UGT2B4: variants seen among roughly 807,000 people sequenced by gnomAD.
UGT2B4 encodes the protein UDP-glucuronosyltransferase 2B4.
A neutral mutation model predicts 49.8 loss-of-function variants in UGT2B4; 49 were observed. That is an observed-to-expected ratio of 0.98 (90% CI 0.78 to 1.25). The LOEUF (loss-of-function observed/expected upper bound fraction) is 1.25. Among genes scored for constraint, UGT2B4 ranks in the 50% most tolerant of loss-of-function variants. The pLI, the probability that UGT2B4 is intolerant of heterozygous loss-of-function variation, is 0.00. For synonymous variants in UGT2B4, 246 were observed against 217.7 expected, an observed-to-expected ratio of 1.13 and a Z score of -1.14; for missense variants, 729 against 627.7, an observed-to-expected ratio of 1.16 and a Z score of -1.73.
At chr4:69,486,524 G>A (rs1364572584) in intron 4 of UGT2B4, 85 bp downstream of exon 4, 14 of 885,416 alleles carry the variant, frequency 1.6e-5, no homozygotes, top group Non-Finnish European at 1.8e-5. Context: ...CATAACAAAT[G>A]TTCAGTAAGC....
At chr4:69,488,379 A>C (rs1727856535) in intron 3 of UGT2B4, among the ~76,000 whole-genome samples, 1 of 151,484 alleles carries the variant, frequency 6.6e-6, no homozygotes, top group Non-Finnish European at 1.5e-5. Flanking sequence ...CTAATTTTGG[A>C]ACCCCCAAGG....
chr4:69,498,024 A>T (rs1281411925), upstream of UGT2B4, among the ~76,000 whole-genome samples: 2 of 152,190 alleles, frequency 1.3e-5, no homozygotes, highest in Admixed American at 6.5e-5. Flanking sequence ...AAAGTTTACA[A>T]CTCACTGAAG....
intron 1 of UGT2B4, among the ~76,000 whole-genome samples, chr4:69,517,338 A>AGAT (rs1560443517): frequency 6.6e-6 from 1 of 152,308 alleles, no homozygotes; most frequent in East Asian, 1.9e-4. Context: ...AATTTATGAC[A>AGAT]GATATAAGAA....
intron 1 of UGT2B4, among the ~76,000 whole-genome samples, chr4:69,510,619 T>A (rs779773410): frequency 1.3e-5 from 2 of 152,164 alleles, no homozygotes; most frequent in Admixed American, 1.3e-4. Context: ...TAATTCCTTT[T>A]TCTAATTATT....
In UGT2B4 at chr4:69,495,853, C is replaced by G. The variant is rs182850682; in HGVS notation, c.9G>C (p.Met3Ile). 10 of 1,589,376 alleles carry G rather than the reference C, an allele frequency of 6.3e-6. 1 individual carries two copies. In the Admixed American group the frequency reaches 1.7e-4, roughly 27 times the overall value. The stretch of plus-strand genomic sequence containing the variant: ...TCAGCAGAAGAGCTGAAGTCCATTT[C>G]ATAGACATCCTGATGCAATGCAATG... Reference protein sequence around the residue: MSMKWTSALLLIQ... With the variant: MSIKWTSALLLIQ... The change falls in exon 1 of 6, where the codon ATG becomes ATC. Residue 3 changes from methionine (M) to isoleucine (I), a missense_variant. Coordinates refer to ENST00000305107, the MANE Select transcript of UGT2B4 (RefSeq NM_021139.3).
chr4:69,489,075 A>C (rs1178374762), intron 3 of UGT2B4, among the ~76,000 whole-genome samples: 3 of 152,140 alleles, frequency 2.0e-5, no homozygotes, highest in Non-Finnish European at 4.4e-5. Context: ...GTTTTCTAAC[A>C]CCTGTAGGAT....
intron 1 of UGT2B4, 112 bp from the exon 2 acceptor site, chr4:69,493,953 C>T (rs1007435050): frequency 1.1e-5 from 14 of 1,238,806 alleles, no homozygotes; most frequent in Middle Eastern, 2.0e-4. Context: ...GTGTTTGTGC[C>T]TTGAAAAAAA....
chr4:69,496,314 C>A (rs1265940413), upstream of UGT2B4, among the ~76,000 whole-genome samples: 1 of 152,118 alleles, frequency 6.6e-6, no homozygotes, highest in Non-Finnish European at 1.5e-5. Flanking sequence ...CGTGAGCCAC[C>A]GCACCCAGCC....
intron 5 of UGT2B4, among the ~76,000 whole-genome samples, chr4:69,483,299 T>A (rs1055757044): frequency 6.6e-6 from 1 of 152,120 alleles, no homozygotes; most frequent in Non-Finnish European, 1.5e-5. Flanking sequence ...CCATGTAACT[T>A]CAAATAACTA....
At chr4:69,487,281 A>G (rs897500583) in intron 3 of UGT2B4, among the ~76,000 whole-genome samples, 7 of 152,176 alleles carry the variant, frequency 4.6e-5, no homozygotes, top group African/African-American at 1.7e-4. Context: ...TGTTTACTAC[A>G]GACAAATATA....
chr4:69,491,492 G>A (rs969724926), intron 2 of UGT2B4, among the ~76,000 whole-genome samples: 1 of 151,896 alleles, frequency 6.6e-6, no homozygotes, highest in African/African-American at 2.4e-5. Context: ...TTTGCCAAGT[G>A]TCCTTTTCTC....
At chr4:69,482,675 C>T (rs755751326) in intron 5 of UGT2B4, among the ~76,000 whole-genome samples, 5 of 151,814 alleles carry the variant, frequency 3.3e-5, no homozygotes, top group East Asian at 1.9e-4. Flanking sequence ...GGCATGATCT[C>T]GGCTCACTGC....
chr4:69,504,565 A>T (rs1261423530), intron 1 of UGT2B4, among the ~76,000 whole-genome samples: 1 of 152,194 alleles, frequency 6.6e-6, no homozygotes, highest in Non-Finnish European at 1.5e-5. Context: ...AAGAATGAAA[A>T]GGAATGAATG....
At chr4:69,488,167 C>G (rs759966808) in intron 3 of UGT2B4, among the ~76,000 whole-genome samples, 1 of 152,012 alleles carries the variant, frequency 6.6e-6, no homozygotes, top group Non-Finnish European at 1.5e-5. Context: ...CTCAGTATTG[C>G]TAATTTTGGA....
intron 5 of UGT2B4, among the ~76,000 whole-genome samples, chr4:69,484,343 T>G (rs999478013): frequency 6.6e-6 from 1 of 152,128 alleles, no homozygotes; most frequent in Non-Finnish European, 1.5e-5. Flanking sequence ...CATGTAGCAA[T>G]GCTCCTAATA....
intron 4 of UGT2B4, 182 bp downstream of exon 4, chr4:69,486,427 C>A: frequency 2.7e-6 from 1 of 366,140 alleles, no homozygotes. Flanking sequence ...AATGTGGGTG[C>A]ATATCATAAA....
intron 3 of UGT2B4, among the ~76,000 whole-genome samples, chr4:69,488,720 T>C (rs546324760): frequency 2.6e-5 from 4 of 152,068 alleles, no homozygotes; most frequent in African/African-American, 7.2e-5. Flanking sequence ...GGCCACATTT[T>C]ATACTACACA....
upstream of UGT2B4, among the ~76,000 whole-genome samples, chr4:69,500,552 GAAAGAAAGCAAGA>G (rs1198463839): frequency 6.3e-5 from 9 of 143,500 alleles, no homozygotes; most frequent in African/African-American, 1.8e-4. Context: ...AGAAAGACAA[GAAAGAAAGCAAGA>G]AAAGAAAGCA....
intron 5 of UGT2B4, among the ~76,000 whole-genome samples, chr4:69,483,245 A>G (rs1727655278): frequency 1.3e-5 from 2 of 152,088 alleles, no homozygotes; most frequent in South Asian, 4.1e-4. Context: ...TCTTTATGAT[A>G]TTGAATCTTT....
Sources: allele counts gnomAD v4.1 joint callset (sites outside exome capture counted in the v4.1 genomes callset), GRCh38; gene constraint gnomAD v4.1.1; transcripts MANE v1.5; gene names NCBI Gene and HGNC (gene_info 2026-07-23, HGNC 2026-07-21).